ZNF486: variants seen among roughly 807,000 people sequenced by gnomAD.
The protein encoded by ZNF486 is zinc finger protein 486.
In ZNF486, 12 loss-of-function variants were observed where a neutral mutation model predicts 12.8. That is an observed-to-expected ratio of 0.94 (90% CI 0.60 to 1.52). The LOEUF (loss-of-function observed/expected upper bound fraction) is 1.52, where lower values mean the gene tolerates loss of function less well. Among genes scored for constraint, ZNF486 ranks in the 40% most tolerant of loss-of-function variants. The probability of loss-of-function intolerance (pLI) is 0.00; values close to 1 mark genes in which losing one functional copy is unlikely to be tolerated. For missense variants in ZNF486, 738 were observed against 545.0 expected, an observed-to-expected ratio of 1.35 and a Z score of -3.53; for synonymous variants, 231 against 184.9, an observed-to-expected ratio of 1.25 and a Z score of -2.02.
chr19:20,172,652 CTT>C (rs111564628), intron 1 of ZNF486, among the ~76,000 whole-genome samples: 17 of 140,698 alleles, frequency 1.2e-4, no homozygotes, highest in African/African-American at 2.1e-4. Context: ...TGTTTAAGTT[CTT>C]TTTTTTTTTT....
chr19:20,171,910 C>T (rs1278237301), intron 1 of ZNF486, among the ~76,000 whole-genome samples: 1 of 151,420 alleles, frequency 6.6e-6, no homozygotes, highest in Admixed American at 6.6e-5. Context: ...CTGTTGTTCT[C>T]CTCTTTGTGT....
chr19:20,183,649 GCT>G (rs1490321365), intron 1 of ZNF486, among the ~76,000 whole-genome samples: 1 of 151,940 alleles, frequency 6.6e-6, no homozygotes, highest in Non-Finnish European at 1.5e-5. Context: ...TGGTGAAATA[GCT>G]CTCTGACAGA....
At chr19:20,192,278 A>G (rs1453585251) in intron 3 of ZNF486, among the ~76,000 whole-genome samples, 3 of 152,074 alleles carry the variant, frequency 2.0e-5, no homozygotes, top group Admixed American at 1.3e-4. Context: ...CCACTGAGGC[A>G]TTCTATAGCT....
chr19:20,168,529 C>T (rs984844795), intron 1 of ZNF486, among the ~76,000 whole-genome samples: 2 of 151,882 alleles, frequency 1.3e-5, no homozygotes, highest in Admixed American at 6.6e-5. Context: ...TGGCGCATGC[C>T]TGTAATCCCA....
rs142682673 is a variant in ZNF486 at position 20,198,782 on chromosome 19, A to C, written c.*680A>C. The C allele has an allele frequency of 7.2e-5, 11 of 152,478 alleles. No homozygotes were observed. Among genetic ancestry groups the C allele is most frequent in the Admixed American group, 2.6e-4 (4 of 15,302 alleles). The allele number at this position is 152,478 out of a possible 1,614,324, so 9.4% of individuals were successfully genotyped here. Reference sequence around the variant, plus strand: ...GGTGATCCACTCGCCTCGGCTTCCTAAAGTGCTGGGATGACAGGCATGAGC... The same window carrying C: ...GGTGATCCACTCGCCTCGGCTTCCTCAAGTGCTGGGATGACAGGCATGAGC... On this transcript the variant is annotated 3_prime_UTR_variant, in exon 4 of 4. Transcript: ENST00000335117.
At chr19:20,173,732 T>A (rs1236155932) in intron 1 of ZNF486, among the ~76,000 whole-genome samples, 1 of 151,940 alleles carries the variant, frequency 6.6e-6, no homozygotes, top group Admixed American at 6.6e-5. Flanking sequence ...CTTGGGAGGC[T>A]GAGGCAGGAG....
intron 2 of ZNF486, among the ~76,000 whole-genome samples, chr19:20,185,005 G>A (rs183271125): frequency 1.4e-4 from 21 of 152,186 alleles, no homozygotes; most frequent in East Asian, 1.2e-3. Context: ...CAGCTACTCC[G>A]GAGGCTGAGG....
At chr19:20,179,489 T>A (rs1030033255) in intron 1 of ZNF486, among the ~76,000 whole-genome samples, 18 of 152,202 alleles carry the variant, frequency 1.2e-4, no homozygotes, top group Non-Finnish European at 2.4e-4. Flanking sequence ...ACCTTTTTTT[T>A]AAATGTAGAC....
chr19:20,175,527 A>G (rs1555714584), intron 1 of ZNF486, among the ~76,000 whole-genome samples: 1 of 150,950 alleles, frequency 6.6e-6, no homozygotes, highest in Admixed American at 6.6e-5. Context: ...GGGAGTGGTG[A>G]TGACTCTTAA....
chr19:20,192,629 TCTCA>T (rs1243386421), intron 3 of ZNF486, among the ~76,000 whole-genome samples: 1 of 152,174 alleles, frequency 6.6e-6, no homozygotes, highest in East Asian at 1.9e-4. Context: ...TGAGATAGGG[TCTCA>T]CTCTGTCAAC....
chr19:20,169,528 G>A (rs1162556536), intron 1 of ZNF486, among the ~76,000 whole-genome samples: 2 of 152,212 alleles, frequency 1.3e-5, no homozygotes, highest in East Asian at 3.9e-4. Context: ...ACGGAGCCCT[G>A]GAAAGCTGGA....
In ZNF486 at chr19:20,197,811, G is replaced by C; in HGVS notation, c.1101G>C (p.Met367Ile). The stretch of plus-strand genomic sequence containing the variant: ...TCACCCGCTCCTCACACCTTACTAT[G>C]CATAAGATAATTCATACTGGAGAGA... ...KAFTRSSHLT[M>I]HKIIHTGEKP... The change falls in exon 4 of 4, where the codon ATG (methionine) becomes ATC (isoleucine). Residue 367 changes from methionine (M) to isoleucine (I), a missense_variant. Transcript: ENST00000335117. 40 of 1,609,674 alleles carry C rather than the reference G, an allele frequency of 2.5e-5. No individual in the cohort carries two copies. Among genetic ancestry groups the C allele is most frequent in the Non-Finnish European group, 3.4e-5 (40 of 1,178,682 alleles).
intron 1 of ZNF486, among the ~76,000 whole-genome samples, chr19:20,171,944 C>T (rs1433549799): frequency 6.6e-6 from 1 of 151,016 alleles, no homozygotes; most frequent in Middle Eastern, 3.2e-3. Context: ...TTATTTAGCT[C>T]TTAATAACAT....
chr19:20,185,411 T>G (rs1183996784), intron 2 of ZNF486, among the ~76,000 whole-genome samples: 4 of 136,128 alleles, frequency 2.9e-5, no homozygotes, highest in Middle Eastern at 3.6e-3. Context: ...TATGTTTTTT[T>G]TTTTTTTTTT....
At position 20,183,699 on chromosome 19, in the gene ZNF486, T is replaced by TA. The variant is rs35727120; in HGVS notation, c.31-656dup. Among the ~76,000 whole-genome samples, 240 of 151,738 alleles carry TA rather than the reference T, an allele frequency of 1.6e-3. 1 individual carries two copies. Among genetic ancestry groups the TA allele is most frequent in the African/African-American group, 5.6e-3 (232 of 41,262 alleles). ...TAGAGATAATTATTTTTCTATTCAT[T>TA]ATTATGTTTATGCAGCTGATATGCA... is the stretch of plus-strand genomic sequence containing the variant. On this transcript the variant is annotated intron_variant, in intron 1 of 3. Transcript: ENST00000335117.
chr19:20,169,160 T>A (rs2089618384), intron 1 of ZNF486, among the ~76,000 whole-genome samples: 1 of 150,702 alleles, frequency 6.6e-6, no homozygotes, highest in African/African-American at 2.4e-5. Flanking sequence ...TATTACCCAG[T>A]CTGGAGTGCA....
rs1056455928 is a variant in ZNF486 at position 20,189,811 on chromosome 19, A to G, written c.253+3729A>G. Among the ~76,000 whole-genome samples, 74 of 151,026 alleles carry G rather than the reference A, an allele frequency of 4.9e-4. 1 individual carries two copies. Among genetic ancestry groups the G allele is most frequent in the African/African-American group, 1.7e-3 (72 of 41,184 alleles). ...TTGAATTTTCTTTTGATGTACAGAA[A>G]TTTTGATGTCTAGTGTAGTTAAACT... On this transcript the variant is annotated intron_variant, in intron 3 of 3. Coordinates refer to ENST00000335117, the MANE Select transcript of ZNF486 (RefSeq NM_052852.4).
Sources: allele counts gnomAD v4.1 joint callset (sites outside exome capture counted in the v4.1 genomes callset), GRCh38; gene constraint gnomAD v4.1.1; transcripts MANE v1.5; gene names NCBI Gene and HGNC (gene_info 2026-07-23, HGNC 2026-07-21).